ACVR1: variants seen among roughly 807,000 people sequenced by gnomAD.
ACVR1 encodes activin A receptor type 1, also known as activin receptor type-1.
ACVR1 carries 38 observed loss-of-function variants against 57.1 expected under a neutral mutation model. The observed-to-expected ratio is 0.67, with a 90% CI of 0.51 to 0.87. The LOEUF (loss-of-function observed/expected upper bound fraction) is 0.87, where lower values mean the gene tolerates loss of function less well. Among genes scored for constraint, ACVR1 ranks in the 40% least tolerant of loss-of-function variants. ACVR1 has a pLI of 0.00. For synonymous variants in ACVR1, 212 were observed against 228.1 expected (o/e 0.93, Z 0.63); for missense variants, 463 against 638.2 (o/e 0.73, Z 2.96).
At chr2:157,795,383 CACACACA>C (rs1687069850) in intron 3 of ACVR1, among the ~76,000 whole-genome samples, 255 of 15,338 alleles carry the variant, frequency 0.017, 1 homozygote, top group Middle Eastern at 0.062. Flanking sequence ...ATAGAACACA[CACACACA>C]CACACACACA....
At chr2:157,783,169 T>G (rs1357640273) in intron 3 of ACVR1, among the ~76,000 whole-genome samples, 1 of 152,178 alleles carries the variant, frequency 6.6e-6, no homozygotes, top group Non-Finnish European at 1.5e-5. Flanking sequence ...AATTTAAAAA[T>G]GCCAAATTTT....
chr2:157,759,134 G>T (rs1433228629), intron 9 of ACVR1, among the ~76,000 whole-genome samples: 1 of 151,656 alleles, frequency 6.6e-6, no homozygotes, highest in African/African-American at 2.4e-5. Flanking sequence ...AATAAGAAAG[G>T]TCATAGCAAA....
At chr2:157,743,985 CA>C (rs1358326021) in intron 9 of ACVR1, among the ~76,000 whole-genome samples, 1 of 152,142 alleles carries the variant, frequency 6.6e-6, no homozygotes, top group African/African-American at 2.4e-5. Context: ...AAGTACTTTT[CA>C]AGTTCACAGC....
At chr2:157,815,894 T>A (rs1482854340) in intron 2 of ACVR1, among the ~76,000 whole-genome samples, 1 of 152,218 alleles carries the variant, frequency 6.6e-6, no homozygotes, top group Non-Finnish European at 1.5e-5. Flanking sequence ...TCAACAGTCA[T>A]GGCCTTGGTT....
intron 1 of ACVR1, among the ~76,000 whole-genome samples, chr2:157,846,275 G>A (rs1219433402): frequency 2.0e-5 from 3 of 152,200 alleles, no homozygotes; most frequent in African/African-American, 7.2e-5. Flanking sequence ...TCTCCCAAGA[G>A]CCTCCAAAAC....
chr2:157,756,564 A>G (rs1685431097), intron 9 of ACVR1, among the ~76,000 whole-genome samples: 1 of 152,106 alleles, frequency 6.6e-6, no homozygotes, highest in African/African-American at 2.4e-5. Flanking sequence ...AATACTCAAC[A>G]TCTCTAATGA....
At chr2:157,813,506 A>G (rs1046568699) in intron 2 of ACVR1, among the ~76,000 whole-genome samples, 1 of 152,160 alleles carries the variant, frequency 6.6e-6, no homozygotes, top group South Asian at 2.1e-4. Context: ...AGTTCTCATC[A>G]CTATAGTTTT....
At chr2:157,826,233 T>C (rs952576414) in intron 1 of ACVR1, among the ~76,000 whole-genome samples, 2 of 152,188 alleles carry the variant, frequency 1.3e-5, no homozygotes. Flanking sequence ...TAGACAGATA[T>C]TTAGCAAAAC....
At chr2:157,784,662 C>T (rs1686648782) in intron 3 of ACVR1, among the ~76,000 whole-genome samples, 1 of 152,202 alleles carries the variant, frequency 6.6e-6, no homozygotes, top group Non-Finnish European at 1.5e-5. Context: ...GGAGTTCTGA[C>T]CACAAACAGG....
At position 157,765,999 on chromosome 2, in the gene ACVR1, G is replaced by C. The variant is rs1471307549; in HGVS notation, c.988C>G (p.Pro330Ala). ...HIEIFGTQGK[P>A]AIAHRDLKSK... ...TTTAAATCTCGATGGGCAATGGCTG[G>C]TTTCCCTTGGGTCCCAAATATCTCT... is the stretch of plus-strand genomic sequence containing the variant. Residue 330 changes from proline (P) to alanine (A), a missense_variant, in exon 8 of 11, where the codon CCA becomes GCA. Pro to Ala is a conservative substitution (Grantham distance 27, BLOSUM62 -1). Coordinates refer to ENST00000434821, the MANE Select transcript of ACVR1 (RefSeq NM_001111067.4). 1.7e-5 allele frequency: 28 copies of C among 1,613,976 alleles called. No individual in the cohort carries two copies. Among genetic ancestry groups the C allele is most frequent in the Non-Finnish European group, 2.4e-5 (28 of 1,180,006 alleles).
intron 1 of ACVR1, among the ~76,000 whole-genome samples, chr2:157,857,401 A>G (rs1230103506): frequency 6.6e-6 from 1 of 151,454 alleles, no homozygotes. Flanking sequence ...CTAATTGGAA[A>G]AAAAAAAAAA....
In ACVR1 at chr2:157,869,454, G is replaced by A. The variant is rs1388410023; in HGVS notation, c.-183+6342C>T. 2.0e-5 allele frequency among the ~76,000 whole-genome samples: 3 copies of A among 152,262 alleles called. No individual in the cohort carries two copies. In the East Asian group the frequency reaches 5.8e-4, roughly 29 times the overall value. On this transcript the variant is annotated intron_variant, in intron 1 of 10. Transcript: ENST00000434821. The stretch of plus-strand genomic sequence containing the variant: ...GCTTATTAGGACCCATTAGCAAGTT[G>A]TAAAATCAGTTTAGTATATAAAGAC...
chr2:157,857,016 T>C (rs1574154215), intron 1 of ACVR1, among the ~76,000 whole-genome samples: 2 of 152,028 alleles, frequency 1.3e-5, no homozygotes, highest in African/African-American at 4.8e-5. Context: ...CTGGGCAACA[T>C]GGTGAAATCC....
intron 7 of ACVR1, among the ~76,000 whole-genome samples, chr2:157,769,351 G>C (rs1685991744): frequency 6.6e-6 from 1 of 152,164 alleles, no homozygotes; most frequent in Non-Finnish European, 1.5e-5. Context: ...ACAACTCCAA[G>C]TGGAGAGATG....
chr2:157,774,985 T>C (rs938996116), intron 5 of ACVR1, among the ~76,000 whole-genome samples: 6 of 152,206 alleles, frequency 3.9e-5, no homozygotes, highest in Non-Finnish European at 8.8e-5. Context: ...TTAGTTGCCA[T>C]ACCAACTAAG....
chr2:157,854,549 CATCT>C (rs768254316), intron 1 of ACVR1, among the ~76,000 whole-genome samples: 109 of 152,086 alleles, frequency 7.2e-4, no homozygotes, highest in Non-Finnish European at 1.2e-3. Flanking sequence ...GGTGAAACCC[CATCT>C]CTACTAAAAA....
At chr2:157,828,969 T>C (rs540458220) in intron 1 of ACVR1, among the ~76,000 whole-genome samples, 3 of 152,252 alleles carry the variant, frequency 2.0e-5, no homozygotes, top group Admixed American at 6.5e-5. Context: ...GGTTTCCCCA[T>C]GTTGGCCAGG....
chr2:157,754,193 C>T (rs188111198), intron 9 of ACVR1, among the ~76,000 whole-genome samples: 1 of 152,172 alleles, frequency 6.6e-6, no homozygotes, highest in African/African-American at 2.4e-5. Flanking sequence ...AAGGCCACAC[C>T]TCAAGGAACT....
At position 157,780,626 on chromosome 2, in the gene ACVR1, A is replaced by G. The variant is rs35392775; in HGVS notation, c.68-26T>C. On this transcript the variant is annotated intron_variant, in intron 3 of 10. Transcript: ENST00000434821. ...CTGCAAAGGAGAGAAAGGAAGGGGA[A>G]AAAAAAAAAAAAGAGGAATTACCGT... The G allele has an allele frequency of 0.081, 76,263 of 937,206 alleles. 222 individuals are homozygous for G. Among genetic ancestry groups the G allele is most frequent in the South Asian group, 0.13 (5,589 of 43,650 alleles). The allele number at this position is 937,206 out of a possible 1,614,324, so 58.1% of individuals were successfully genotyped here.
Sources: gnomAD v4.1 joint callset for allele counts (sites outside exome capture counted in the v4.1 genomes callset) on GRCh38, gnomAD v4.1.1 for gene constraint, MANE v1.5 for transcripts, NCBI Gene and HGNC (gene_info 2026-07-23, HGNC 2026-07-21) for gene names.